The following CCDC144A variants were observed in gnomAD, a reference collection of about 807,000 sequenced individuals.
The protein encoded by CCDC144A is coiled-coil domain-containing protein 144A.
Under a neutral mutation model 143.8 loss-of-function variants are expected in CCDC144A, and 41 were observed. The observed-to-expected ratio is 0.29, with a 90% CI of 0.22 to 0.37. CCDC144A has a LOEUF of 0.37. Ranked by LOEUF, CCDC144A falls within the 10% of genes least tolerant of loss-of-function variation. CCDC144A has a pLI of 1.00. For synonymous variants in CCDC144A, 242 were observed against 517.9 expected (o/e 0.47, Z 7.23); for missense variants, 637 against 1,488.8 (o/e 0.43, Z 9.41).
rs1309145959 is a variant in CCDC144A at position 16,708,778 on chromosome 17, C to A, written c.739-18C>A. ...GAAATAAAACAAGCAAATTAATCTT[C>A]CACTTTTGCATCTGCAGAAAACGTC... is the stretch of plus-strand genomic sequence containing the variant. On this transcript the variant is annotated intron_variant, in intron 4 of 16. Coordinates refer to ENST00000399273, the MANE Select transcript of CCDC144A (RefSeq NM_001382000.1). 6.2e-6 allele frequency: 10 copies of A among 1,611,474 alleles called. No individual in the cohort carries two copies. Among genetic ancestry groups the A allele is most frequent in the Non-Finnish European group, 8.5e-6 (10 of 1,179,652 alleles).
At chr17:16,704,820 ATAGT>A (rs1334270247) in intron 2 of CCDC144A, among the ~76,000 whole-genome samples, 1 of 152,230 alleles carries the variant, frequency 6.6e-6, no homozygotes, top group East Asian at 1.9e-4. Flanking sequence ...TAAGCTTAAA[ATAGT>A]TAGACATAAA....
At chr17:16,722,444 C>T (rs912396843) in intron 8 of CCDC144A, among the ~76,000 whole-genome samples, 85 of 152,158 alleles carry the variant, frequency 5.6e-4, no homozygotes, top group African/African-American at 1.9e-3. Flanking sequence ...CCCACACATG[C>T]ATAGCCTCCA....
intron 12 of CCDC144A, among the ~76,000 whole-genome samples, chr17:16,754,509 G>C (rs1914979230): frequency 2.0e-5 from 3 of 152,074 alleles, no homozygotes; most frequent in African/African-American, 7.3e-5. Flanking sequence ...TTATTGATTG[G>C]CCCAGTTGTT....
At chr17:16,756,003 A>G (rs201796656) in intron 12 of CCDC144A, among the ~76,000 whole-genome samples, 23,514 of 150,528 alleles carry the variant, frequency 0.16, 2,022 homozygotes, top group African/African-American at 0.33. Context: ...TTTGATATGG[A>G]TTCCCTTGTA....
chr17:16,698,966 C>T (rs1325978175), intron 2 of CCDC144A, among the ~76,000 whole-genome samples: 1 of 152,210 alleles, frequency 6.6e-6, no homozygotes, highest in Non-Finnish European at 1.5e-5. Flanking sequence ...TGCCTGACTC[C>T]TTTTGTTAGT....
At chr17:16,704,380 G>A (rs1472534933) in intron 2 of CCDC144A, among the ~76,000 whole-genome samples, 1 of 152,098 alleles carries the variant, frequency 6.6e-6, no homozygotes, top group Admixed American at 6.5e-5. Context: ...GTGTGAACCC[G>A]GGAGGCGGAG....
At chr17:16,682,899 T>G in the CCDC144A span, among the ~76,000 whole-genome samples, 31 of 118,464 alleles carry the variant, frequency 2.6e-4, 1 homozygote, top group South Asian at 1.3e-3. Flanking sequence ...TTTTTTTTTT[T>G]TTTTTTTTTT....
Position 16,690,389 on chromosome 17 carries a change from A to G in CCDC144A, c.-12A>G. 6.6e-7 allele frequency: 1 copy of G among 1,513,436 alleles called. No individual in the cohort carries two copies. Among genetic ancestry groups the G allele is most frequent in the Non-Finnish European group, 8.8e-7 (1 of 1,131,106 alleles). 93.8% of individuals were successfully genotyped at this position (1,513,436 alleles called of 1,614,324 possible). A position where few individuals can be genotyped will look rare whatever the true frequency, so the allele number is the denominator to read the frequency against. ...GCTGGGAGGTTGTGGCCGAGGCAGT[A>G]GCTCGCTACTGATGGCCTCCTGGGG... is the stretch of plus-strand genomic sequence containing the variant. On this transcript the variant is annotated 5_prime_UTR_variant, in exon 1 of 17. Coordinates refer to ENST00000399273, the MANE Select transcript of CCDC144A (RefSeq NM_001382000.1).
upstream of CCDC144A, among the ~76,000 whole-genome samples, chr17:16,688,151 C>G (rs1229469095): frequency 2.0e-5 from 3 of 151,952 alleles, no homozygotes; most frequent in Non-Finnish European, 4.4e-5. Flanking sequence ...TAAACTGAGT[C>G]TGTTTTCAGA....
At chr17:16,737,797 T>C (rs940471464) in intron 12 of CCDC144A, 2 of 307,768 alleles carry the variant, frequency 6.5e-6, no homozygotes, top group Non-Finnish European at 1.2e-5. Flanking sequence ...TTCATTTTAT[T>C]ACAATTTAAT....
chr17:16,706,176 C>T (rs568918474), intron 3 of CCDC144A: 17 of 150,808 alleles, frequency 1.1e-4, no homozygotes, highest in African/African-American at 3.7e-4. Context: ...ATTGACTTTC[C>T]AAGTCAGTAA....
chr17:16,761,394 A>C (rs763324298), intron 12 of CCDC144A, 31 bp from the exon 13 acceptor site: 1 of 1,583,060 alleles, frequency 6.3e-7, no homozygotes, highest in Non-Finnish European at 8.6e-7. Context: ...TACCTTCTTC[A>C]TTACAAAACT....
intron 1 of CCDC144A, among the ~76,000 whole-genome samples, chr17:16,691,469 A>G (rs2143026230): frequency 6.6e-6 from 1 of 151,840 alleles, no homozygotes; most frequent in South Asian, 2.1e-4. Context: ...CATGTATAAA[A>G]TGAGAGCTTT....
intron 2 of CCDC144A, chr17:16,695,434 T>A (rs1308828306): frequency 3.3e-5 from 5 of 151,382 alleles, no homozygotes; most frequent in Admixed American, 6.6e-5. Context: ...CTAAATTTTT[T>A]AAAAAACAAT....
chr17:16,723,001 GTAATGC>G (rs1913183120), intron 8 of CCDC144A, among the ~76,000 whole-genome samples: 1 of 152,072 alleles, frequency 6.6e-6, no homozygotes, highest in Non-Finnish European at 1.5e-5. Flanking sequence ...TTGGTTCAGG[GTAATGC>G]TAGAGTGACA....
At chr17:16,681,635 G>C in the CCDC144A span, among the ~76,000 whole-genome samples, 1 of 152,054 alleles carries the variant, frequency 6.6e-6, no homozygotes, top group East Asian at 1.9e-4. Context: ...GAAGCAGGTG[G>C]ATCACCTGAA....
At chr17:16,667,354 G>GA in the CCDC144A span, among the ~76,000 whole-genome samples, 50 of 96,606 alleles carry the variant, frequency 5.2e-4, no homozygotes, top group East Asian at 0.013. Context: ...AGGAGCTGAG[G>GA]GGCTGAGGCG....
chr17:16,740,108 A>T (rs1308506975), intron 12 of CCDC144A, among the ~76,000 whole-genome samples: 3 of 152,064 alleles, frequency 2.0e-5, no homozygotes, highest in Non-Finnish European at 2.9e-5. Flanking sequence ...TTATTAACTC[A>T]TTGTAAGTCA....
At chr17:16,746,182 T>G in intron 12 of CCDC144A, 1 of 1,514,614 alleles carries the variant, frequency 6.6e-7, no homozygotes, top group East Asian at 2.4e-5. Flanking sequence ...TTCTCTGTGG[T>G]TGGTTCCTCT....
Sources: gnomAD v4.1 joint callset for allele counts (sites outside exome capture counted in the v4.1 genomes callset) on GRCh38, gnomAD v4.1.1 for gene constraint, MANE v1.5 for transcripts, NCBI Gene and HGNC (gene_info 2026-07-23, HGNC 2026-07-21) for gene names.